Variants in SYNE1 observed in about 807,000 individuals in gnomAD.
SYNE1 encodes spectrin repeat containing nuclear envelope protein 1, also known as nesprin-1.
A neutral mutation model predicts 1,111.0 loss-of-function variants in SYNE1; 616 were observed. The observed-to-expected ratio is 0.55, with a 90% CI of 0.52 to 0.59. The LOEUF is 0.59. Ranked by LOEUF, SYNE1 falls within the 20% of genes least tolerant of loss-of-function variation. The pLI is 0.00. For missense variants in SYNE1, 10,006 were observed against 10,417.0 expected, an observed-to-expected ratio of 0.96 and a Z score of 1.72; for synonymous variants, 3,855 against 3,825.8, an observed-to-expected ratio of 1.01 and a Z score of -0.28.
intron 140 of SYNE1, among the ~76,000 whole-genome samples, chr6:152,138,124 C>T (rs1301550940): frequency 6.6e-6 from 1 of 152,136 alleles, no homozygotes; most frequent in African/African-American, 2.4e-5. Flanking sequence ...TCCTGAAATT[C>T]ATGGGGTAGT....
chr6:152,306,400 C>T (rs898265686), intron 91 of SYNE1, among the ~76,000 whole-genome samples: 3 of 151,860 alleles, frequency 2.0e-5, no homozygotes, highest in African/African-American at 4.8e-5. Context: ...GCAGGAGAAT[C>T]GCCTGAACCC....
intron 112 of SYNE1, among the ~76,000 whole-genome samples, 174 bp downstream of exon 112, chr6:152,233,607 G>A (rs1770776260): frequency 6.6e-6 from 1 of 152,218 alleles, no homozygotes; most frequent in Middle Eastern, 3.4e-3. Flanking sequence ...TTACAGGTGC[G>A]AGCCACCGCG....
At chr6:152,136,961 C>T (rs948001699) in intron 140 of SYNE1, 143 bp from the exon 141 acceptor site, 69 of 798,214 alleles carry the variant, frequency 8.6e-5, no homozygotes, top group Non-Finnish European at 1.3e-4. Flanking sequence ...AGGGTGCGTA[C>T]CACTGAGAAC....
chr6:152,581,377 C>G (rs1466341021), intron 3 of SYNE1, among the ~76,000 whole-genome samples: 1 of 152,148 alleles, frequency 6.6e-6, no homozygotes, highest in Non-Finnish European at 1.5e-5. Context: ...GAAGTCTCAC[C>G]AGTAAGTACA....
chr6:152,280,587 A>G (rs1030320527), intron 97 of SYNE1, among the ~76,000 whole-genome samples: 6 of 152,212 alleles, frequency 3.9e-5, no homozygotes, highest in Admixed American at 1.3e-4. Context: ...AATACTTTGG[A>G]AAAGTATTGA....
chr6:152,154,799 T>C (rs948406745), intron 133 of SYNE1, 93 bp downstream of exon 133: 3 of 1,403,792 alleles, frequency 2.1e-6, no homozygotes, highest in Non-Finnish European at 3.0e-6. Flanking sequence ...AGATAACATG[T>C]GGTGAACAGC....
At position 152,369,579 on chromosome 6, in the gene SYNE1, A is replaced by C; in HGVS notation, c.9543T>G (p.Ser3181Arg). Residue 3181 changes from serine (S) to arginine (R), a missense_variant, in exon 60 of 146, where the codon AGT becomes AGG. Ser to Arg is a moderately radical substitution (Grantham distance 110). Coordinates refer to ENST00000367255, the MANE Select transcript of SYNE1 (RefSeq NM_182961.4). ...TCAGCCAGTCCTGGATAGGCTCAGC[A>C]CTTACTTCAAAGTCCTTCATTTGGA... is the stretch of plus-strand genomic sequence containing the variant. ...LKIQMKDFEVSAEPIQDWLSK... is the reference protein window; with the variant it reads ...LKIQMKDFEVRAEPIQDWLSK... 1.9e-6 allele frequency: 3 copies of C among 1,614,202 alleles called. No individual in the cohort carries two copies. Among genetic ancestry groups the C allele is most frequent in the Non-Finnish European group, 2.5e-6 (3 of 1,180,030 alleles).
In SYNE1 at chr6:152,399,826, A is replaced by G; in HGVS notation, c.7030-3T>C. The G allele has an allele frequency of 6.2e-7, 1 of 1,613,098 alleles. No individual in the cohort carries two copies. Among genetic ancestry groups the G allele is most frequent in the African/African-American group, 1.3e-5 (1 of 75,018 alleles). On this transcript the variant is annotated splice_polypyrimidine_tract_variant and splice_region_variant and intron_variant, in intron 47 of 145. Coordinates refer to ENST00000367255, the MANE Select transcript of SYNE1 (RefSeq NM_182961.4). ...CTTTGAAGTTCTTTTTGTATATCCT[A>G]CAGAATAAAAGTATATTATGAAGGA...
At chr6:152,341,595 G>C (rs972429333) in intron 74 of SYNE1, among the ~76,000 whole-genome samples, 2 of 152,100 alleles carry the variant, frequency 1.3e-5, no homozygotes, top group Admixed American at 6.5e-5. Context: ...AGGGTTTATT[G>C]GGTTTACTAG....
At chr6:152,323,412 C>T in intron 82 of SYNE1, 66 bp downstream of exon 82, 1 of 1,595,660 alleles carries the variant, frequency 6.3e-7, no homozygotes, top group Non-Finnish European at 8.5e-7. Context: ...GCACTCCAGC[C>T]TGGGCGACAG....
intron 2 of SYNE1, among the ~76,000 whole-genome samples, chr6:152,630,053 C>T (rs934407231): frequency 2.6e-5 from 4 of 151,496 alleles, no homozygotes; most frequent in Non-Finnish European, 4.4e-5. Context: ...AATGGCATTA[C>T]TAATACTATT....
At chr6:152,216,133 T>C (rs2078589898) in intron 121 of SYNE1, among the ~76,000 whole-genome samples, 1 of 152,214 alleles carries the variant, frequency 6.6e-6, no homozygotes, top group Non-Finnish European at 1.5e-5. Flanking sequence ...TCTCTTTGCA[T>C]GTTCTGCAAA....
chr6:152,611,502 C>T (rs1224704985), intron 3 of SYNE1, among the ~76,000 whole-genome samples: 1 of 152,046 alleles, frequency 6.6e-6, no homozygotes, highest in Non-Finnish European at 1.5e-5. Flanking sequence ...TAAAGCAAGT[C>T]CTTAGAGACC....
chr6:152,496,204 T>G (rs2098998539), intron 11 of SYNE1, among the ~76,000 whole-genome samples: 1 of 152,176 alleles, frequency 6.6e-6, no homozygotes, highest in African/African-American at 2.4e-5. Flanking sequence ...CTATTTTGTT[T>G]TATTTTTCTT....
intron 98 of SYNE1, among the ~76,000 whole-genome samples, chr6:152,270,845 A>C (rs912679011): frequency 2.6e-5 from 4 of 152,212 alleles, no homozygotes; most frequent in Admixed American, 2.6e-4. Context: ...TGCACTCTGC[A>C]TGACGAGAGA....
At chr6:152,634,756 A>G (rs1245243921) in intron 2 of SYNE1, among the ~76,000 whole-genome samples, 1 of 152,274 alleles carries the variant, frequency 6.6e-6, no homozygotes, top group African/African-American at 2.4e-5. Context: ...GTTTATTGTA[A>G]GCCTAAAGTA....
intron 145 of SYNE1, chr6:152,126,168 C>T (rs1338280525): frequency 6.6e-6 from 1 of 152,184 alleles, no homozygotes; most frequent in Non-Finnish European, 1.5e-5. Flanking sequence ...ACAGAGAGAA[C>T]ACACAATATT....
Position 152,397,093 on chromosome 6 carries a change from G to C in SYNE1, c.7351-113C>G, listed in dbSNP as rs2097744510. ...GTCCAAAGGAAAATGGCTTAACAAG[G>C]CTGGAGTAAAAATGATGCATACAAT... On this transcript the variant is annotated intron_variant, in intron 49 of 145. Coordinates refer to ENST00000367255, the MANE Select transcript of SYNE1 (RefSeq NM_182961.4). 5.3e-5 allele frequency: 58 copies of C among 1,088,350 alleles called. No homozygotes were observed. The South Asian group carries it at 7.1e-4, about 13-fold the overall frequency. 67.4% of individuals were successfully genotyped at this position (1,088,350 alleles called of 1,614,324 possible). A position where few individuals can be genotyped will look rare whatever the true frequency, so the allele number is the denominator to read the frequency against.
intron 93 of SYNE1, among the ~76,000 whole-genome samples, chr6:152,298,325 C>G (rs1040800246): frequency 2.6e-5 from 4 of 152,208 alleles, no homozygotes; most frequent in African/African-American, 9.6e-5. Flanking sequence ...CTTGCTCCCT[C>G]TTTTCAAATG....
Sources: gnomAD v4.1 joint callset for allele counts (sites outside exome capture counted in the v4.1 genomes callset) on GRCh38, gnomAD v4.1.1 for gene constraint, MANE v1.5 for transcripts, NCBI Gene and HGNC (gene_info 2026-07-23, HGNC 2026-07-21) for gene names.